The following GALNT14 variants were observed in gnomAD, a reference collection of about 807,000 sequenced individuals.
GALNT14 encodes polypeptide N-acetylgalactosaminyltransferase 14.
In GALNT14, 60 loss-of-function variants were observed where a neutral mutation model predicts 77.5. The ratio of observed to expected loss-of-function variants is 0.77; its 90% CI spans 0.63 to 0.96. GALNT14 has a LOEUF of 0.96. GALNT14 is among the 40% of genes least tolerant of loss of function. The pLI is 0.00. For synonymous variants in GALNT14, 280 were observed against 281.7 expected (o/e 0.99, Z 0.06); for missense variants, 710 against 731.0 (o/e 0.97, Z 0.33).
chr2:31,111,763 C>A (rs1677847222), intron 1 of GALNT14, among the ~76,000 whole-genome samples: 1 of 151,236 alleles, frequency 6.6e-6, no homozygotes, highest in Non-Finnish European at 1.5e-5. Context: ...TTTTTTTTTT[C>A]ACACAAAGGT....
chr2:31,104,142 C>A (rs1459472166), intron 1 of GALNT14, among the ~76,000 whole-genome samples: 1 of 152,134 alleles, frequency 6.6e-6, no homozygotes. Flanking sequence ...GACTTGATCT[C>A]TTTGCCTGGA....
At chr2:30,924,857 A>T (rs1178669136) in intron 11 of GALNT14, 34 bp from the exon 12 acceptor site, 3 of 1,588,650 alleles carry the variant, frequency 1.9e-6, no homozygotes, top group Non-Finnish European at 2.6e-6. Flanking sequence ...AGACACAAAG[A>T]CAAAACACAG....
intron 11 of GALNT14, among the ~76,000 whole-genome samples, chr2:30,928,007 C>T (rs1268251909): frequency 2.6e-5 from 4 of 152,046 alleles, no homozygotes; most frequent in African/African-American, 9.7e-5. Flanking sequence ...GAGGACAAGA[C>T]CTTTTGAGCT....
At chr2:30,972,389 G>T (rs1033282229) in intron 2 of GALNT14, among the ~76,000 whole-genome samples, 1 of 152,210 alleles carries the variant, frequency 6.6e-6, no homozygotes, top group Non-Finnish European at 1.5e-5. Context: ...AACCTTCGCT[G>T]CTTGGAGCTC....
chr2:31,123,618 C>T (rs541757205), intron 1 of GALNT14, among the ~76,000 whole-genome samples: 2 of 152,282 alleles, frequency 1.3e-5, no homozygotes, highest in South Asian at 4.1e-4. Context: ...CCTTCTTCTT[C>T]TAATAAGCAG....
chr2:30,935,978 G>C (rs1666032390), intron 9 of GALNT14, among the ~76,000 whole-genome samples: 1 of 152,098 alleles, frequency 6.6e-6, no homozygotes, highest in Non-Finnish European at 1.5e-5. Flanking sequence ...ATTGTGTAGA[G>C]AGTTTGCTGG....
intron 2 of GALNT14, among the ~76,000 whole-genome samples, chr2:30,987,521 A>G (rs2148391957): frequency 6.6e-6 from 1 of 152,286 alleles, no homozygotes; most frequent in Non-Finnish European, 1.5e-5. Context: ...CAGGCGAAGA[A>G]CCAAAAGAAA....
At chr2:30,933,908 G>T (rs1477165827) in intron 9 of GALNT14, among the ~76,000 whole-genome samples, 1 of 152,196 alleles carries the variant, frequency 6.6e-6, no homozygotes, top group African/African-American at 2.4e-5. Context: ...CTGTGTAAAC[G>T]CTAAGTGTGA....
At chr2:30,975,357 A>C (rs112969751) in intron 2 of GALNT14, among the ~76,000 whole-genome samples, 14 of 152,354 alleles carry the variant, frequency 9.2e-5, no homozygotes, top group African/African-American at 3.4e-4. Context: ...CTAGACATGC[A>C]TTATGCAGTA....
chr2:31,048,052 G>A (rs540148325), intron 1 of GALNT14, among the ~76,000 whole-genome samples: 112 of 152,334 alleles, frequency 7.4e-4, no homozygotes, highest in African/African-American at 2.7e-3. Context: ...TTAATCCAAA[G>A]CTGCTGAGCA....
At chr2:30,889,014 C>T in the GALNT14 span, among the ~76,000 whole-genome samples, 2 of 151,288 alleles carry the variant, frequency 1.3e-5, no homozygotes, top group Admixed American at 6.6e-5. Context: ...GCCAGAATCA[C>T]GAAGATCCCC....
At chr2:31,015,416 G>A (rs1671292827) in intron 1 of GALNT14, among the ~76,000 whole-genome samples, 1 of 151,842 alleles carries the variant, frequency 6.6e-6, no homozygotes, top group African/African-American at 2.4e-5. Context: ...ATTGCAGAAA[G>A]AAGGCAACTC....
At chr2:31,059,535 G>A (rs1002367511) in intron 1 of GALNT14, among the ~76,000 whole-genome samples, 4 of 152,098 alleles carry the variant, frequency 2.6e-5, no homozygotes, top group Non-Finnish European at 5.9e-5. Context: ...TGAGATTAGT[G>A]CCCTTATAAG....
rs112760291 is a variant in GALNT14 at position 31,067,333 on chromosome 2, G to C, written c.129+70625C>G. On this transcript the variant is annotated intron_variant, in intron 1 of 14. Coordinates refer to ENST00000349752, the MANE Select transcript of GALNT14 (RefSeq NM_024572.4). ...TCCATGTCCCCACGGGGGCCAAAGA[G>C]AAGATGAGTGCCCCTCGTTACCCTA... Among the ~76,000 whole-genome samples the C allele has an allele frequency of 3.5e-3, 531 of 152,312 alleles. 6 individuals are homozygous for C. The highest frequency in any genetic ancestry group is 0.012 in the African/African-American group (507 of 41,578).
intron 1 of GALNT14, among the ~76,000 whole-genome samples, chr2:31,012,441 G>A (rs59790902): frequency 0.25 from 38,514 of 152,034 alleles, 5,058 homozygotes; most frequent in East Asian, 0.39. Flanking sequence ...CTGGAGGCAG[G>A]AGTGTGGCTT....
intron 1 of GALNT14, among the ~76,000 whole-genome samples, chr2:31,098,538 C>T (rs780754191): frequency 8.5e-5 from 13 of 152,152 alleles, no homozygotes; most frequent in Non-Finnish European, 7.4e-5. Context: ...CAGTTCATGT[C>T]ACAACCCTTA....
chr2:30,938,384 A>ACACTCTCT lies in GALNT14; in HGVS notation c.931+3816_931+3817insAGAGAGTG, dbSNP rs1174119035. Among the ~76,000 whole-genome samples, 789 of 141,746 alleles carry ACACTCTCT rather than the reference A, an allele frequency of 5.6e-3. 13 individuals are homozygous for ACACTCTCT. Among genetic ancestry groups the ACACTCTCT allele is most frequent in the African/African-American group, 0.019 (722 of 38,236 alleles). 93.0% of individuals were successfully genotyped at this position (141,746 alleles called of 152,430 possible). ...TACACACACACACACACACACACACACTCTCTCTCTCTCTCTCTCTCTCTA... is the reference window on the plus strand; with the variant it reads ...TACACACACACACACACACACACACACACTCTCTCTCTCTCTCTCTCTCTCTCTCTCTA... On this transcript the variant is annotated intron_variant, in intron 9 of 14. Transcript: ENST00000349752.
chr2:31,101,487 T>C (rs1362783928), intron 1 of GALNT14, among the ~76,000 whole-genome samples: 1 of 149,722 alleles, frequency 6.7e-6, no homozygotes, highest in East Asian at 1.9e-4. Context: ...ATTTAAATTT[T>C]TTAAAAAAAT....
chr2:31,095,921 A>G (rs1676979600), intron 1 of GALNT14, among the ~76,000 whole-genome samples: 1 of 152,170 alleles, frequency 6.6e-6, no homozygotes, highest in African/African-American at 2.4e-5. Flanking sequence ...GATTAGGCCC[A>G]TATCCAATAT....
Sources: allele counts gnomAD v4.1 joint callset (sites outside exome capture counted in the v4.1 genomes callset), GRCh38; gene constraint gnomAD v4.1.1; transcripts MANE v1.5; gene names NCBI Gene and HGNC (gene_info 2026-07-23, HGNC 2026-07-21).